Variants in FSCN2 observed in about 807,000 individuals in gnomAD.
FSCN2 encodes fascin actin-bundling protein 2, retinal.
FSCN2 carries 46 observed loss-of-function variants against 37.8 expected under a neutral mutation model. That is an observed-to-expected ratio of 1.22 (90% CI 0.96 to 1.56). The LOEUF (loss-of-function observed/expected upper bound fraction) is 1.56, where lower values mean the gene tolerates loss of function less well. Ranked by LOEUF, FSCN2 falls within the 40% of genes most tolerant of loss-of-function variation. FSCN2 has a pLI of 0.00. For synonymous variants in FSCN2, 351 were observed against 309.4 expected (o/e 1.13, Z -1.41); for missense variants, 844 against 730.4 (o/e 1.16, Z -1.79).
upstream of FSCN2, among the ~76,000 whole-genome samples, chr17:81,524,912 CA>C (rs1555669880): frequency 2.9e-4 from 43 of 149,338 alleles, no homozygotes; most frequent in Non-Finnish European, 6.0e-4. Flanking sequence ...CACACACACA[CA>C]CACACACCAC....
intron 1 of FSCN2, among the ~76,000 whole-genome samples, chr17:81,531,720 G>A (rs796783412): frequency 0.33 from 20,703 of 63,376 alleles, 2,031 homozygotes; most frequent in Middle Eastern, 0.43. Flanking sequence ...AGTGATGGTG[G>A]TGATGGTGAT....
At chr17:81,529,666 G>C (rs1287773392) in intron 1 of FSCN2, 1 of 627,036 alleles carries the variant, frequency 1.6e-6, no homozygotes, top group African/African-American at 1.8e-5. Context: ...TGAGACTGGA[G>C]AGGTGTGGGC....
chr17:81,533,107 A>G (rs1348853259), intron 1 of FSCN2, among the ~76,000 whole-genome samples: 1 of 151,790 alleles, frequency 6.6e-6, no homozygotes, highest in East Asian at 1.9e-4. Context: ...CCATAGCATC[A>G]CCCCTACCCG....
At position 81,528,661 on chromosome 17, in the gene FSCN2, C is replaced by G; in HGVS notation, c.130C>G (p.Gln44Glu). ...NASAPSLKRKQTWVLEPDPGQ... is the reference protein window; with the variant it reads ...NASAPSLKRKETWVLEPDPGQ... The stretch of plus-strand genomic sequence containing the variant: ...CTCGGCACCCAGCCTCAAGAGGAAG[C>G]AGACCTGGGTGCTGGAACCCGACCC... Residue 44 changes from glutamine to glutamate, a missense_variant, in exon 1 of 5, where the codon CAG (glutamine) becomes GAG (glutamate). Physicochemically the swap from Gln to Glu is conservative, Grantham distance 29 (BLOSUM62 2). Coordinates refer to ENST00000417245, the MANE Select transcript of FSCN2 (RefSeq NM_012418.4). 1 of 1,602,422 alleles carries G rather than the reference C, an allele frequency of 6.2e-7. No individual in the cohort carries two copies. Among genetic ancestry groups the G allele is most frequent in the African/African-American group, 1.3e-5 (1 of 74,840 alleles).
chr17:81,531,197 G>C (rs1198582591), intron 1 of FSCN2, among the ~76,000 whole-genome samples: 4 of 150,252 alleles, frequency 2.7e-5, no homozygotes, highest in African/African-American at 7.4e-5. Context: ...TGGTGATGGT[G>C]GTGATGGTGG....
At chr17:81,522,058 G>T in the FSCN2 span, among the ~76,000 whole-genome samples, 1 of 152,102 alleles carries the variant, frequency 6.6e-6, no homozygotes, top group Non-Finnish European at 1.5e-5. Flanking sequence ...CCAGGCTGGA[G>T]TAGAGTGGCA....
chr17:81,529,187 T>TG lies in FSCN2; in HGVS notation c.658dup (p.Ala220GlyfsTer31). The stretch of plus-strand genomic sequence containing the variant: ...ACGCTGGAGTTCAAGGCGGGCAAGC[T>TG]GGCCTTCAAGGACTGCGACGGCCAC... On this transcript the variant is annotated frameshift_variant, in exon 1 of 5. Coordinates refer to ENST00000417245, the MANE Select transcript of FSCN2 (RefSeq NM_012418.4). LOFTEE classifies it high-confidence loss of function. The TG allele has an allele frequency of 1.3e-6, 2 of 1,595,688 alleles. No homozygotes were observed. Among genetic ancestry groups the TG allele is most frequent in the Non-Finnish European group, 1.7e-6 (2 of 1,172,402 alleles).
At chr17:81,531,791 GAT>G (rs2032635099) in intron 1 of FSCN2, among the ~76,000 whole-genome samples, 1 of 94,866 alleles carries the variant, frequency 1.1e-5, no homozygotes. Context: ...TGATGATGGT[GAT>G]GATGATAATG....
chr17:81,523,308 C>G, the FSCN2 span, among the ~76,000 whole-genome samples: 2 of 152,360 alleles, frequency 1.3e-5, no homozygotes, highest in Non-Finnish European at 2.9e-5. Flanking sequence ...CTGCCCTGCC[C>G]CCTGCCTTGC....
the FSCN2 span, among the ~76,000 whole-genome samples, chr17:81,521,515 G>T: frequency 6.6e-6 from 1 of 152,064 alleles, no homozygotes; most frequent in Non-Finnish European, 1.5e-5. Context: ...AGGACTACAG[G>T]TGTATGCCAC....
chr17:81,518,475 G>A, the FSCN2 span, among the ~76,000 whole-genome samples: 1 of 152,104 alleles, frequency 6.6e-6, no homozygotes, highest in Non-Finnish European at 1.5e-5. Flanking sequence ...CCCAGCCCTG[G>A]AGGAGGGAGC....
At chr17:81,520,279 G>A in the FSCN2 span, among the ~76,000 whole-genome samples, 1 of 152,090 alleles carries the variant, frequency 6.6e-6, no homozygotes. Flanking sequence ...CACTCAGGAG[G>A]TGACCCTGAA....
Position 81,528,895 on chromosome 17 carries a change from G to C in FSCN2, c.364G>C (p.Ala122Pro). Residue 122 changes from alanine to proline, a missense_variant, in exon 1 of 5, where the codon GCC becomes CCC. Physicochemically the swap from Ala to Pro is conservative, Grantham distance 27. Coordinates refer to ENST00000417245, the MANE Select transcript of FSCN2 (RefSeq NM_012418.4). ...GGTEDQLSCF[A>P]TAVSPAELWT... ...CACCGAGGACCAGCTGTCCTGCTTC[G>C]CCACAGCCGTTTCCCCGGCCGAGCT... 1 of 1,579,572 alleles carries C rather than the reference G, an allele frequency of 6.3e-7. No individual in the cohort carries two copies. Among genetic ancestry groups the C allele is most frequent in the Non-Finnish European group, 8.6e-7 (1 of 1,166,414 alleles).
Position 81,536,924 on chromosome 17 carries a change from C to A in FSCN2, c.1323C>A (p.Ser441Arg), listed in dbSNP as rs755404655. 1 of 1,573,002 alleles carries A rather than the reference C, an allele frequency of 6.4e-7. No individual in the cohort carries two copies. Among genetic ancestry groups the A allele is most frequent in the South Asian group, 1.1e-5 (1 of 87,230 alleles). ...WYTGSHGSVC[S>R]DGERAEDFVF... ...CGGGCAGCCACGGCAGCGTGTGCAG[C>A]GACGGCGAACGCGCCGAGGACTTCG... The change falls in exon 5 of 5, where the codon AGC (serine) becomes AGA (arginine). Residue 441 changes from serine to arginine, a missense_variant. Transcript: ENST00000417245.
At chr17:81,535,897 T>TCCCCACCAC (rs2032860954) in intron 2 of FSCN2, among the ~76,000 whole-genome samples, 1 of 129,726 alleles carries the variant, frequency 7.7e-6, no homozygotes, top group Admixed American at 7.8e-5. Flanking sequence ...ATCTTCACCA[T>TCCCCACCAC]CCCCACCACC....
At chr17:81,516,033 CAG>C in the FSCN2 span, among the ~76,000 whole-genome samples, 1 of 152,346 alleles carries the variant, frequency 6.6e-6, no homozygotes, top group South Asian at 2.1e-4. Context: ...TTGGTGGAGA[CAG>C]GGTTTCACCA....
At chr17:81,516,044 C>T in the FSCN2 span, among the ~76,000 whole-genome samples, 1 of 152,250 alleles carries the variant, frequency 6.6e-6, no homozygotes, top group African/African-American at 2.4e-5. Context: ...AGGGTTTCAC[C>T]ATGTTGGCCA....
the FSCN2 span, among the ~76,000 whole-genome samples, chr17:81,522,635 C>T: frequency 3.9e-5 from 6 of 152,240 alleles, no homozygotes; most frequent in African/African-American, 7.2e-5. Flanking sequence ...TGGCATTACA[C>T]GTGGGCAGGG....
At chr17:81,532,422 ATGGTGATGATAATGG>A (rs2032710711) in intron 1 of FSCN2, among the ~76,000 whole-genome samples, 1 of 118,944 alleles carries the variant, frequency 8.4e-6, no homozygotes, top group East Asian at 3.0e-4. Context: ...GATGATGGTG[ATGGTGATGATAATGG>A]TGATGATGAT....
Sources: allele counts gnomAD v4.1 joint callset (sites outside exome capture counted in the v4.1 genomes callset), GRCh38; gene constraint gnomAD v4.1.1; transcripts MANE v1.5; gene names NCBI Gene and HGNC (gene_info 2026-07-23, HGNC 2026-07-21).